Variants in SLC14A2 observed in about 807,000 individuals in gnomAD.
The protein encoded by SLC14A2 is urea transporter 2.
A neutral mutation model predicts 104.6 loss-of-function variants in SLC14A2; 91 were observed. That is an observed-to-expected ratio of 0.87 (90% CI 0.73 to 1.04). The LOEUF (loss-of-function observed/expected upper bound fraction) is 1.04, where lower values mean the gene tolerates loss of function less well. Ranked by LOEUF, SLC14A2 falls within the 50% of genes least tolerant of loss-of-function variation. The pLI is 0.00. For synonymous variants in SLC14A2, 476 were observed against 466.4 expected, an observed-to-expected ratio of 1.02 and a Z score of -0.27; for missense variants, 1,189 against 1,156.0, an observed-to-expected ratio of 1.03 and a Z score of -0.41.
intron 5 of SLC14A2, among the ~76,000 whole-genome samples, chr18:45,636,636 A>G (rs907501844): frequency 1.3e-5 from 2 of 152,264 alleles, no homozygotes; most frequent in Non-Finnish European, 2.9e-5. Flanking sequence ...CAAAGGCAAT[A>G]CATTACATTT....
rs369926843 is a variant in SLC14A2, at chr18:45,514,341, A to C, written c.-35+31019A>C. 4.6e-5 allele frequency among the ~76,000 whole-genome samples: 7 copies of C among 152,260 alleles called. No individual in the cohort carries two copies. In the East Asian group the frequency reaches 7.7e-4, roughly 17 times the overall value. ...GGGAAGATGCTACACACTTTCAAACAACCAGATCTTGTGAAAACTCCACCA... is the reference window on the plus strand; with the variant it reads ...GGGAAGATGCTACACACTTTCAAACCACCAGATCTTGTGAAAACTCCACCA... On this transcript the variant is annotated intron_variant, in intron 2 of 20. Coordinates refer to the SLC14A2 transcript ENST00000586448.
chr18:45,302,939 G>A (rs553277928), intron 1 of SLC14A2, among the ~76,000 whole-genome samples: 17 of 152,194 alleles, frequency 1.1e-4, no homozygotes, highest in Non-Finnish European at 2.2e-4. Context: ...GTAACTGTGG[G>A]TAAAAGCCAG....
At chr18:45,241,457 T>C (rs926818799) in intron 1 of SLC14A2, among the ~76,000 whole-genome samples, 3 of 152,080 alleles carry the variant, frequency 2.0e-5, no homozygotes, top group African/African-American at 7.2e-5. Flanking sequence ...CCTTTGTAGA[T>C]AAGAAACCAC....
intron 2 of SLC14A2, among the ~76,000 whole-genome samples, chr18:45,568,150 G>A (rs2044293682): frequency 6.6e-6 from 1 of 152,244 alleles, no homozygotes; most frequent in South Asian, 2.1e-4. Flanking sequence ...GTCATCATGA[G>A]CAGCCTCCCT....
At chr18:45,408,204 A>G (rs1376601684) in intron 1 of SLC14A2, among the ~76,000 whole-genome samples, 1 of 152,158 alleles carries the variant, frequency 6.6e-6, no homozygotes, top group Non-Finnish European at 1.5e-5. Flanking sequence ...TTGCTGGGGA[A>G]ATCAAGCTGG....
At chr18:45,325,905 G>A (rs1242231154) in intron 1 of SLC14A2, among the ~76,000 whole-genome samples, 1 of 152,166 alleles carries the variant, frequency 6.6e-6, no homozygotes, top group African/African-American at 2.4e-5. Flanking sequence ...CAGTGAGTGA[G>A]GGGTGAAGTC....
At chr18:45,450,367 G>A (rs1199069713) in intron 1 of SLC14A2, among the ~76,000 whole-genome samples, 1 of 152,168 alleles carries the variant, frequency 6.6e-6, no homozygotes, top group Non-Finnish European at 1.5e-5. Context: ...TCTTAACCCA[G>A]GGTCAACATT....
At chr18:45,592,083 G>C (rs28400322) in intron 2 of SLC14A2, among the ~76,000 whole-genome samples, 59,059 of 152,086 alleles carry the variant, frequency 0.39, 11,489 homozygotes, top group Non-Finnish European at 0.41. Context: ...GGGTCAAGAA[G>C]AGTCAGCATC....
upstream of SLC14A2, among the ~76,000 whole-genome samples, chr18:45,612,528 G>A (rs1258606649): frequency 6.6e-6 from 1 of 152,198 alleles, no homozygotes; most frequent in Non-Finnish European, 1.5e-5. Flanking sequence ...TACTTAATAT[G>A]TGCTAGGCAC....
chr18:45,480,759 C>T (rs1322417606), intron 1 of SLC14A2, among the ~76,000 whole-genome samples: 1 of 152,126 alleles, frequency 6.6e-6, no homozygotes, highest in African/African-American at 2.4e-5. Flanking sequence ...AGGAACAGTC[C>T]CAATTAATGT....
chr18:45,569,362 A>T (rs904012803), intron 2 of SLC14A2, among the ~76,000 whole-genome samples: 1 of 152,204 alleles, frequency 6.6e-6, no homozygotes, highest in Non-Finnish European at 1.5e-5. Flanking sequence ...ACCTTGAACT[A>T]ACCCCTTTAC....
intron 1 of SLC14A2, among the ~76,000 whole-genome samples, chr18:45,274,611 A>C (rs765998098): frequency 6.6e-6 from 1 of 152,188 alleles, no homozygotes; most frequent in Non-Finnish European, 1.5e-5. Flanking sequence ...ACAAATTCTT[A>C]CTTTCTCAAG....
intron 10 of SLC14A2, among the ~76,000 whole-genome samples, chr18:45,650,878 T>TA (rs1260798330): frequency 2.0e-5 from 3 of 150,528 alleles, no homozygotes; most frequent in Non-Finnish European, 4.4e-5. Flanking sequence ...TAGCTGGCAT[T>TA]ACAGGCACCC....
intron 4 of SLC14A2, among the ~76,000 whole-genome samples, chr18:45,627,857 A>G (rs552381638): frequency 2.2e-4 from 33 of 152,176 alleles, no homozygotes; most frequent in Non-Finnish European, 4.1e-4. Context: ...TACAAATACA[A>G]AAATCAGCTG....
intron 1 of SLC14A2, among the ~76,000 whole-genome samples, chr18:45,290,187 G>T (rs150039909): frequency 2.4e-4 from 37 of 152,132 alleles, no homozygotes; most frequent in Non-Finnish European, 4.1e-4. Flanking sequence ...GAGGTTTTGG[G>T]GTATGACTGA....
intron 1 of SLC14A2, among the ~76,000 whole-genome samples, chr18:45,430,432 A>G (rs1470219969): frequency 1.3e-5 from 2 of 152,194 alleles, no homozygotes; most frequent in Non-Finnish European, 2.9e-5. Flanking sequence ...ACACAAGGGA[A>G]ATGAGAGGGA....
At chr18:45,331,477 G>A (rs1385688566) in intron 1 of SLC14A2, among the ~76,000 whole-genome samples, 3 of 151,748 alleles carry the variant, frequency 2.0e-5, no homozygotes, top group Non-Finnish European at 4.4e-5. Flanking sequence ...GGATCACAAG[G>A]TCAGGAGATC....
chr18:45,353,716 G>C (rs568048771), intron 1 of SLC14A2, among the ~76,000 whole-genome samples: 2 of 152,292 alleles, frequency 1.3e-5, no homozygotes, highest in East Asian at 3.9e-4. Context: ...GTTTGAGAGA[G>C]TCTGGGTGTG....
chr18:45,259,789 T>G (rs1489810834), intron 1 of SLC14A2, among the ~76,000 whole-genome samples: 1 of 152,174 alleles, frequency 6.6e-6, no homozygotes, highest in East Asian at 1.9e-4. Context: ...AAGCCCAAGT[T>G]TACTCTGAAG....
Sources: allele counts gnomAD v4.1 joint callset (sites outside exome capture counted in the v4.1 genomes callset), GRCh38; gene constraint gnomAD v4.1.1; transcripts MANE v1.5; gene names NCBI Gene and HGNC (gene_info 2026-07-23, HGNC 2026-07-21).